Variants in KCNN3 observed in about 807,000 individuals in gnomAD.
The protein encoded by KCNN3 is small conductance calcium-activated potassium channel protein 3.
KCNN3 carries 16 observed loss-of-function variants against 62.9 expected under a neutral mutation model. The ratio of observed to expected loss-of-function variants is 0.25; its 90% CI spans 0.17 to 0.39. KCNN3 has a LOEUF of 0.39. KCNN3 is among the 10% of genes least tolerant of loss of function. KCNN3 has a pLI of 1.00. For missense variants in KCNN3, 599 were observed against 949.4 expected, an observed-to-expected ratio of 0.63 and a Z score of 4.85; for synonymous variants, 370 against 389.2, an observed-to-expected ratio of 0.95 and a Z score of 0.58.
At chr1:154,723,376 G>A (rs1398418160) in intron 5 of KCNN3, among the ~76,000 whole-genome samples, 2 of 152,156 alleles carry the variant, frequency 1.3e-5, no homozygotes, top group Non-Finnish European at 2.9e-5. Flanking sequence ...GATGTTATTC[G>A]ATTAAAAAGC....
chr1:154,836,516 G>A (rs1186966017), intron 1 of KCNN3, among the ~76,000 whole-genome samples: 3 of 152,244 alleles, frequency 2.0e-5, no homozygotes, highest in Non-Finnish European at 4.4e-5. Context: ...GCAGGGACGT[G>A]GGCCTCCCCT....
At chr1:154,812,812 G>A (rs1322555658) in intron 2 of KCNN3, among the ~76,000 whole-genome samples, 1 of 152,170 alleles carries the variant, frequency 6.6e-6, no homozygotes, top group East Asian at 1.9e-4. Context: ...CTGTGTTTAG[G>A]GGACAGCCAG....
chr1:154,783,116 G>A (rs1393858276), intron 2 of KCNN3, among the ~76,000 whole-genome samples: 1 of 152,014 alleles, frequency 6.6e-6, no homozygotes, highest in Non-Finnish European at 1.5e-5. Flanking sequence ...GGGAGGCTGA[G>A]GCAGGAGAAT....
chr1:154,773,883 C>T (rs562430123), intron 2 of KCNN3, among the ~76,000 whole-genome samples: 1 of 152,322 alleles, frequency 6.6e-6, no homozygotes, highest in Non-Finnish European at 1.5e-5. Flanking sequence ...GGCACAGATT[C>T]CTTCTCCCCA....
intron 2 of KCNN3, among the ~76,000 whole-genome samples, chr1:154,802,776 C>T (rs766265234): frequency 1.2e-4 from 19 of 152,186 alleles, no homozygotes; most frequent in Non-Finnish European, 2.6e-4. Flanking sequence ...CACACAGCTC[C>T]ACCTACTAAC....
chr1:154,789,971 C>A (rs987110881), intron 2 of KCNN3, among the ~76,000 whole-genome samples: 1 of 152,102 alleles, frequency 6.6e-6, no homozygotes, highest in Non-Finnish European at 1.5e-5. Flanking sequence ...TGCAGTGGTG[C>A]GATCTTGGCT....
chr1:154,748,985 C>A (rs1043311409), intron 3 of KCNN3, among the ~76,000 whole-genome samples: 2 of 152,094 alleles, frequency 1.3e-5, no homozygotes, highest in Non-Finnish European at 2.9e-5. Context: ...CTGTCTTTGA[C>A]CATATTGCAC....
intron 1 of KCNN3, among the ~76,000 whole-genome samples, chr1:154,867,260 A>T (rs1441607573): frequency 6.6e-6 from 1 of 152,182 alleles, no homozygotes; most frequent in Non-Finnish European, 1.5e-5. Flanking sequence ...GAAGGCAGCG[A>T]GCAGAAGGAC....
At position 154,704,584 on chromosome 1, in the gene KCNN3, G is replaced by T. The variant is rs1321391187; in HGVS notation, c.*3392C>A. 6.6e-6 allele frequency: 1 copy of T among 152,012 alleles called. No homozygotes were observed. Among genetic ancestry groups the T allele is most frequent in the Middle Eastern group, 3.2e-3 (1 of 316 alleles). The allele number at this position is 152,012 out of a possible 1,614,324, so 9.4% of individuals were successfully genotyped here. Reference sequence around the variant, plus strand: ...ATGGCTTAAGCAATGGCAGGGGTGGGGGTGGTTCTGTATTTCTAATTCAAG... The same window carrying T: ...ATGGCTTAAGCAATGGCAGGGGTGGTGGTGGTTCTGTATTTCTAATTCAAG... On this transcript the variant is annotated 3_prime_UTR_variant, in exon 8 of 8. Transcript: ENST00000271915.
intron 3 of KCNN3, among the ~76,000 whole-genome samples, chr1:154,742,941 C>A (rs1700856398): frequency 6.6e-6 from 1 of 152,200 alleles, no homozygotes. Context: ...CTCCCAGCTT[C>A]TCCTTTTAAT....
chr1:154,747,818 CT>C (rs1002074160), intron 3 of KCNN3, among the ~76,000 whole-genome samples: 4 of 152,194 alleles, frequency 2.6e-5, no homozygotes, highest in African/African-American at 9.7e-5. Flanking sequence ...ACTGCCGCAT[CT>C]TATGACACCC....
intron 3 of KCNN3, among the ~76,000 whole-genome samples, chr1:154,735,694 G>A (rs1308245403): frequency 6.6e-6 from 1 of 152,184 alleles, no homozygotes; most frequent in East Asian, 1.9e-4. Context: ...CTGTGGCCTT[G>A]GAAAGGCAGC....
chr1:154,763,691 C>T (rs1648125935), intron 3 of KCNN3, among the ~76,000 whole-genome samples: 1 of 152,170 alleles, frequency 6.6e-6, no homozygotes, highest in African/African-American at 2.4e-5. Context: ...AAAAGTCCCA[C>T]CAAAAAGTTG....
chr1:154,863,950 A>C (rs1029056909), intron 1 of KCNN3, among the ~76,000 whole-genome samples: 2 of 151,824 alleles, frequency 1.3e-5, no homozygotes, highest in African/African-American at 4.9e-5. Flanking sequence ...CAGATGTTTG[A>C]CTCATTTACA....
At chr1:154,794,072 C>T (rs17719312) in intron 2 of KCNN3, among the ~76,000 whole-genome samples, 34,700 of 152,166 alleles carry the variant, frequency 0.23, 4,879 homozygotes, top group Middle Eastern at 0.33. Context: ...GGCTGTTGTG[C>T]TCATCTCCTT....
At chr1:154,736,704 G>GGCTGTTTGGC (rs1700717671) in intron 3 of KCNN3, among the ~76,000 whole-genome samples, 1 of 152,130 alleles carries the variant, frequency 6.6e-6, no homozygotes, top group South Asian at 2.1e-4. Context: ...GATTAAACTC[G>GGCTGTTTGGC]TGCTCCCTGG....
intron 4 of KCNN3, among the ~76,000 whole-genome samples, chr1:154,729,829 G>C (rs1425239305): frequency 6.6e-6 from 1 of 152,182 alleles, no homozygotes; most frequent in East Asian, 1.9e-4. Context: ...CTCAATTTGT[G>C]CTACCTTTTA....
In KCNN3 at chr1:154,869,795, G is replaced by C. The variant is rs1285216395; in HGVS notation, c.170C>G (p.Pro57Arg). ...PPAAPQQPLG[P>R]SLQPQPPQLQ... Reference sequence around the variant, plus strand: ...CTGCGGAGGCTGAGGCTGCAGCGAGGGTCCCAGGGGCTGCTGGGGGGCTGC... The same window carrying C: ...CTGCGGAGGCTGAGGCTGCAGCGAGCGTCCCAGGGGCTGCTGGGGGGCTGC... The change falls in exon 1 of 8, where the codon CCC (proline) becomes CGC (arginine). Residue 57 changes from proline (P) to arginine (R), a missense_variant. Physicochemically the swap from Pro to Arg is moderately radical, Grantham distance 103 (BLOSUM62 -2). Around this residue, in one of 7 missense-constraint regions of KCNN3, gnomAD observed 7 missense variants for 32.0 expected, o/e 0.22. Transcript: ENST00000271915. This position sits in a 1 kb window ranked among gnomAD's most constrained non-coding sequence, Gnocchi z 6.1. The C allele has an allele frequency of 6.6e-7, 1 of 1,504,728 alleles. No individual in the cohort carries two copies. Among genetic ancestry groups the C allele is most frequent in the East Asian group, 2.6e-5 (1 of 38,326 alleles). 93.2% of individuals were successfully genotyped at this position (1,504,728 alleles called of 1,614,324 possible). A position where few individuals can be genotyped will look rare whatever the true frequency, so the allele number is the denominator to read the frequency against.
At chr1:154,867,850 G>A in intron 1 of KCNN3, 1 of 556,858 alleles carries the variant, frequency 1.8e-6, no homozygotes. Context: ...GGGGGTGGGG[G>A]TATCGTGGAG....
Sources: gnomAD v4.1 joint callset for allele counts (sites outside exome capture counted in the v4.1 genomes callset) on GRCh38, gnomAD v4.1.1 for gene constraint, gnomAD v4.1.1 regional missense constraint, Gnocchi (gnomAD v3.1) non-coding constraint, MANE v1.5 for transcripts, NCBI Gene and HGNC (gene_info 2026-07-23, HGNC 2026-07-21) for gene names.